ZNF383: variants seen among roughly 807,000 people sequenced by gnomAD.
ZNF383 encodes the protein zinc finger protein 383.
In ZNF383, 32 loss-of-function variants were observed where a neutral mutation model predicts 44.2. That is an observed-to-expected ratio of 0.72 (90% confidence interval 0.55 to 0.97). The LOEUF is 0.97. Ranked by LOEUF, ZNF383 falls within the 50% of genes least tolerant of loss-of-function variation. The probability of loss-of-function intolerance (pLI) is 0.00; values close to 1 mark genes in which losing one functional copy is unlikely to be tolerated. For missense variants in ZNF383, 487 were observed against 562.5 expected (o/e 0.87, Z 1.36); for synonymous variants, 155 against 186.2 (o/e 0.83, Z 1.36).
intron 5 of ZNF383, among the ~76,000 whole-genome samples, chr19:37,241,483 A>G (rs753646047): frequency 5.3e-5 from 8 of 152,202 alleles, no homozygotes; most frequent in Non-Finnish European, 7.4e-5. Flanking sequence ...TCACTCTCCT[A>G]TCACATCAGT....
chr19:37,240,808 CT>C (rs376002214), intron 5 of ZNF383, among the ~76,000 whole-genome samples: 2 of 151,368 alleles, frequency 1.3e-5, no homozygotes, highest in African/African-American at 4.9e-5. Flanking sequence ...TTACCAATTC[CT>C]TTTTTTTTGT....
chr19:37,224,422 A>G (rs1352637561), intron 1 of ZNF383, among the ~76,000 whole-genome samples: 3 of 152,094 alleles, frequency 2.0e-5, no homozygotes, highest in African/African-American at 7.2e-5. Context: ...CTGAGGGCTC[A>G]ATTAATTAAT....
At chr19:37,241,397 G>T (rs914310880) in intron 5 of ZNF383, among the ~76,000 whole-genome samples, 8 of 152,178 alleles carry the variant, frequency 5.3e-5, no homozygotes, top group South Asian at 2.1e-4. Context: ...TAAAGCTACA[G>T]TTTTATTAGG....
chr19:37,230,558 A>G lies in ZNF383; in HGVS notation c.9+96A>G, dbSNP rs1973440468. 2.9e-6 allele frequency: 4 copies of G among 1,390,350 alleles called. No individual in the cohort carries two copies. In the South Asian group the frequency reaches 3.6e-5, roughly 13 times the overall value. 86.1% of individuals were successfully genotyped at this position (1,390,350 alleles called of 1,614,324 possible). A position where few individuals can be genotyped will look rare whatever the true frequency, so the allele number is the denominator to read the frequency against. ...TTCCTTATCCTGACATTTCTGGCTA[A>G]CAGAGTTCCCCTTCAGAATCCTTGT... On this transcript the variant is annotated intron_variant, in intron 3 of 5. Coordinates refer to ENST00000684119, the MANE Select transcript of ZNF383 (RefSeq NM_001387601.1).
At chr19:37,223,287 A>T (rs1973009742) in intron 1 of ZNF383, among the ~76,000 whole-genome samples, 1 of 152,204 alleles carries the variant, frequency 6.6e-6, no homozygotes, top group Non-Finnish European at 1.5e-5. Context: ...CATTTATCCA[A>T]ATTGATCATA....
At chr19:37,238,140 G>A (rs1212675289) in intron 5 of ZNF383, among the ~76,000 whole-genome samples, 1 of 151,984 alleles carries the variant, frequency 6.6e-6, no homozygotes, top group Non-Finnish European at 1.5e-5. Flanking sequence ...TAGGATTAAA[G>A]GCTTGAGCCA....
chr19:37,228,540 C>T (rs1973295681), intron 2 of ZNF383, among the ~76,000 whole-genome samples: 2 of 151,888 alleles, frequency 1.3e-5, no homozygotes, highest in Admixed American at 1.3e-4. Context: ...GCTTGCCGCC[C>T]AGAGTATGCA....
chr19:37,219,200 G>C (rs1972805722), intron 1 of ZNF383: 1 of 152,430 alleles, frequency 6.6e-6, no homozygotes, highest in South Asian at 2.1e-4. Context: ...CTCGAGAGGA[G>C]AGACCTCACC....
intron 1 of ZNF383, among the ~76,000 whole-genome samples, chr19:37,221,393 G>C (rs545406833): frequency 6.7e-6 from 1 of 150,366 alleles, no homozygotes; most frequent in African/African-American, 2.4e-5. Flanking sequence ...ACAAGCCTGG[G>C]CAAGATGGTG....
rs1315850643 is a variant in ZNF383 at position 37,245,866 on chromosome 19, G to C, written c.*2202G>C. On this transcript the variant is annotated 3_prime_UTR_variant, in exon 6 of 6. Transcript: ENST00000684119. ...GGCTGGAGGGCAGTGGTGCAATCTC[G>C]GCTCACTGCAACCTCTGCCTCCCGA... 1 of 150,966 alleles carries C rather than the reference G, an allele frequency of 6.6e-6. No homozygotes were observed. Among genetic ancestry groups the C allele is most frequent in the Non-Finnish European group, 1.5e-5 (1 of 67,830 alleles). 9.4% of individuals were successfully genotyped at this position (150,966 alleles called of 1,614,324 possible). A position where few individuals can be genotyped will look rare whatever the true frequency, so the allele number is the denominator to read the frequency against.
intron 2 of ZNF383, among the ~76,000 whole-genome samples, chr19:37,225,644 T>A (rs1488258946): frequency 6.6e-6 from 1 of 152,036 alleles, no homozygotes; most frequent in Non-Finnish European, 1.5e-5. Flanking sequence ...CCAGTCACAA[T>A]ACCCCAAGAT....
chr19:37,248,391 A>C lies in ZNF383; in HGVS notation c.*4727A>C, dbSNP rs576948296. 2.0e-5 allele frequency: 3 copies of C among 152,350 alleles called. No individual in the cohort carries two copies. The East Asian group carries it at 5.8e-4, about 29-fold the overall frequency. The allele number at this position is 152,350 out of a possible 1,614,324, so 9.4% of individuals were successfully genotyped here. ...AAAATACAGCATTATAAATTAGCAA[A>C]TCAAATCTAGTAACCCATTGAAAAT... is the stretch of plus-strand genomic sequence containing the variant. On this transcript the variant is annotated 3_prime_UTR_variant, in exon 6 of 6. Transcript: ENST00000684119.
chr19:37,234,970 G>T (rs964344181), intron 3 of ZNF383, among the ~76,000 whole-genome samples: 2 of 152,062 alleles, frequency 1.3e-5, no homozygotes, highest in Non-Finnish European at 2.9e-5. Context: ...ATTTGAAAAT[G>T]ATATTTAGAA....
chr19:37,227,775 C>T (rs957168518), intron 2 of ZNF383: 1 of 152,334 alleles, frequency 6.6e-6, no homozygotes, highest in African/African-American at 2.4e-5. Context: ...GTCCACCAGA[C>T]AGGGGGCCCT....
chr19:37,227,908 GT>G (rs1220995620), intron 2 of ZNF383, among the ~76,000 whole-genome samples: 3 of 152,188 alleles, frequency 2.0e-5, no homozygotes, highest in Non-Finnish European at 4.4e-5. Flanking sequence ...TTTTGTTACT[GT>G]TATTTAGAAG....
At chr19:37,220,498 A>G (rs1972867946) in intron 1 of ZNF383, among the ~76,000 whole-genome samples, 1 of 151,026 alleles carries the variant, frequency 6.6e-6, no homozygotes, top group Non-Finnish European at 1.5e-5. Flanking sequence ...TCCTGACCTC[A>G]GGTGAGGCCT....
Position 37,242,742 on chromosome 19 carries a change from C to G in ZNF383, c.506C>G (p.Pro169Arg). 1.2e-6 allele frequency: 2 copies of G among 1,614,044 alleles called. No homozygotes were observed. The highest frequency in any genetic ancestry group is 1.7e-6 in the Non-Finnish European group (2 of 1,180,002). Reference protein sequence around the residue: ...LHQIINNEDRPYECKKCGKAF... With the variant: ...LHQIINNEDRRYECKKCGKAF... ...CAAATAATTAATAATGAAGACAGAC[C>G]CTATGAATGTAAGAAATGTGGAAAG... The change falls in exon 6 of 6, where the codon CCC (proline) becomes CGC (arginine). Residue 169 changes from proline to arginine, a missense_variant. Pro to Arg is a moderately radical substitution (Grantham distance 103). Transcript: ENST00000684119.
At chr19:37,218,620 G>A (rs1432858317) in intron 1 of ZNF383, among the ~76,000 whole-genome samples, 1 of 152,152 alleles carries the variant, frequency 6.6e-6, no homozygotes. Flanking sequence ...ATGAGGCTGT[G>A]ACTGTGTGTT....
At position 37,226,273 on chromosome 19, in the gene ZNF383, C is replaced by T. The variant is rs148025916; in HGVS notation, c.-46+1334C>T. ...GAGATTTCCCATACACGTCTTTCCC[C>T]CACACGTATGGTCTCCCCCATCATC... is the stretch of plus-strand genomic sequence containing the variant. On this transcript the variant is annotated intron_variant, in intron 2 of 5. Transcript: ENST00000684119. Among the ~76,000 whole-genome samples, 313 of 152,176 alleles carry T rather than the reference C, an allele frequency of 2.1e-3. 4 individuals carry two copies. The highest frequency in any genetic ancestry group is 7.4e-3 in the African/African-American group (306 of 41,518).
Sources: allele counts gnomAD v4.1 joint callset (sites outside exome capture counted in the v4.1 genomes callset), GRCh38; gene constraint gnomAD v4.1.1; transcripts MANE v1.5; gene names NCBI Gene and HGNC (gene_info 2026-07-23, HGNC 2026-07-21).